Variants in DNAJC2 observed in about 807,000 individuals in gnomAD.
DNAJC2 encodes the protein DnaJ heat shock protein family (Hsp40) member C2.
A neutral mutation model predicts 94.0 loss-of-function variants in DNAJC2; 32 were observed. The observed-to-expected ratio is 0.34, with a 90% CI of 0.26 to 0.46. The LOEUF (loss-of-function observed/expected upper bound fraction) is 0.46. DNAJC2 is among the 20% of genes least tolerant of loss of function. The pLI is 1.00. For missense variants in DNAJC2, 550 were observed against 719.5 expected (o/e 0.76, Z 2.69); for synonymous variants, 210 against 229.7 (o/e 0.91, Z 0.77).
At position 103,344,732 on chromosome 7, in the gene DNAJC2, A is replaced by G; in HGVS notation, c.-110T>C. The G allele has an allele frequency of 8.6e-7, 1 of 1,166,086 alleles. No individual in the cohort carries two copies. The highest frequency in any genetic ancestry group is 1.3e-5 in the South Asian group (1 of 78,266). 72.2% of individuals were successfully genotyped at this position (1,166,086 alleles called of 1,614,324 possible). ...ACTCCGAGCCTCGCGCCTTGGCTCTAAGACGCCCAGGAACCGGCGCATGGA... is the reference window on the plus strand; with the variant it reads ...ACTCCGAGCCTCGCGCCTTGGCTCTGAGACGCCCAGGAACCGGCGCATGGA... On this transcript the variant is annotated 5_prime_UTR_variant, in exon 1 of 17. Transcript: ENST00000379263.
chr7:103,318,527 T>G (rs1043062531), intron 12 of DNAJC2, among the ~76,000 whole-genome samples: 1 of 152,190 alleles, frequency 6.6e-6, no homozygotes, highest in African/African-American at 2.4e-5. Context: ...TACACCTCAT[T>G]TACTATGGGC....
intron 3 of DNAJC2, chr7:103,328,873 C>A: frequency 2.0e-6 from 1 of 492,040 alleles, no homozygotes; most frequent in South Asian, 2.2e-5. Context: ...TAAATAATGC[C>A]AATTTGAATA....
intron 10 of DNAJC2, chr7:103,320,830 CTTTTT>C (rs745754898): frequency 7.5e-4 from 85 of 113,700 alleles, no homozygotes; most frequent in East Asian, 1.1e-3. Context: ...CTCAGCATGT[CTTTTT>C]TTTTTTTTTT....
At chr7:103,316,630 ATATGT>A in intron 13 of DNAJC2, 195 bp downstream of exon 13, 1 of 554,620 alleles carries the variant, frequency 1.8e-6, no homozygotes. Context: ...GTATTCTGTC[ATATGT>A]ATATGTGCAT....
In DNAJC2 at chr7:103,319,827, A is replaced by G; in HGVS notation, c.1101T>C (p.Ser367=). ...RNSCKTWNHF[S]DNEAERVKMM... ...TTTTAACCCGCTCTGCCTCATTATC[A>G]GAAAAATGATTCCAGGTCTAAAAGC... The change falls in exon 11 of 17, where the codon TCT becomes TCC. Residue 367 remains serine, a synonymous_variant. Transcript: ENST00000379263. 1 of 1,614,216 alleles carries G rather than the reference A, an allele frequency of 6.2e-7. No individual in the cohort carries two copies. Among genetic ancestry groups the G allele is most frequent in the Non-Finnish European group, 8.5e-7 (1 of 1,180,042 alleles).
intron 4 of DNAJC2, 38 bp downstream of exon 4, chr7:103,327,612 AACAATT>A (rs761924738): frequency 7.9e-7 from 1 of 1,267,794 alleles, no homozygotes; most frequent in South Asian, 1.3e-5. Flanking sequence ...ATTAATAAAT[AACAATT>A]ACTATTAGAA....
rs1389145502 is a variant in DNAJC2 at position 103,341,786 on chromosome 7, G to A, written c.233C>T (p.Thr78Ile). 1 of 1,589,172 alleles carries A rather than the reference G, an allele frequency of 6.3e-7. No individual in the cohort carries two copies. The highest frequency in any genetic ancestry group is 2.3e-5 in the East Asian group (1 of 44,116). The part of the protein sequence containing the change: ...LQLEEFPMLK[T>I]LDPKDWKNQD... ...TACCTTCCAGTCTTTGGGATCAAGT[G>A]TTTTCAGCATGGGAAACTCTTCCAA... Residue 78 changes from threonine to isoleucine, a missense_variant, in exon 2 of 17, where the codon ACA (threonine) becomes ATA (isoleucine). Physicochemically the swap from Thr to Ile is moderately conservative, Grantham distance 89. This residue lies in a region of DNAJC2 where 279 missense variants were observed against 416.9 expected (regional missense o/e 0.67). Coordinates refer to ENST00000379263, the MANE Select transcript of DNAJC2 (RefSeq NM_014377.3).
chr7:103,337,916 C>A, intron 2 of DNAJC2, 105 bp from the exon 3 acceptor site: 1 of 780,218 alleles, frequency 1.3e-6, no homozygotes, highest in Non-Finnish European at 2.1e-6. Context: ...GACATTTCAT[C>A]AGGAGTCCAG....
Position 103,326,693 on chromosome 7 carries a change from A to C in DNAJC2, c.431-9T>G. 1 of 1,598,040 alleles carries C rather than the reference A, an allele frequency of 6.3e-7. No individual in the cohort carries two copies. Among genetic ancestry groups the C allele is most frequent in the East Asian group, 2.3e-5 (1 of 44,394 alleles). On this transcript the variant is annotated splice_polypyrimidine_tract_variant and intron_variant, in intron 4 of 16. Transcript: ENST00000379263. ...AGATAACATTTCATAAGCTGAGAAA[A>C]AAATTGTTAAGATCACATCACCATA...
chr7:103,320,764 T>TATATATATATATATACAC (rs1818351694), intron 10 of DNAJC2: 1 of 25,478 alleles, frequency 3.9e-5, no homozygotes, highest in East Asian at 1.3e-3. Flanking sequence ...TATATACACA[T>TATATATATATATATACAC]ATATATATAT....
chr7:103,319,945 G>T, intron 10 of DNAJC2, 101 bp from the exon 11 acceptor site: 1 of 1,272,228 alleles, frequency 7.9e-7, no homozygotes, highest in Non-Finnish European at 1.1e-6. Context: ...TGAGGCAGGA[G>T]AATCGCTTGA....
chr7:103,319,875 C>T (rs373699568), intron 10 of DNAJC2, 31 bp from the exon 11 acceptor site: 328 of 1,606,680 alleles, frequency 2.0e-4, no homozygotes, highest in Non-Finnish European at 2.7e-4. Flanking sequence ...ATAGTATCTA[C>T]ACTCAAAAAT....
chr7:103,316,764 G>T, intron 13 of DNAJC2, 66 bp downstream of exon 13: 1 of 1,295,924 alleles, frequency 7.7e-7, no homozygotes. Flanking sequence ...GCTGCTATTT[G>T]GAGTCTGTCT....
chr7:103,332,289 GCCACTGCAC>G (rs1819009754), intron 3 of DNAJC2, among the ~76,000 whole-genome samples: 1 of 152,238 alleles, frequency 6.6e-6, no homozygotes, highest in East Asian at 1.9e-4. Flanking sequence ...ATAGGCGTGA[GCCACTGCAC>G]CCAGCGAATT....
intron 15 of DNAJC2, chr7:103,313,803 A>T: frequency 1.0e-6 from 1 of 985,376 alleles, no homozygotes; most frequent in Non-Finnish European, 1.2e-6. Flanking sequence ...AAGGATGTTA[A>T]GTATTACACA....
chr7:103,342,395 T>A (rs931884820), intron 1 of DNAJC2, among the ~76,000 whole-genome samples: 24 of 151,616 alleles, frequency 1.6e-4, no homozygotes, highest in African/African-American at 5.8e-4. Flanking sequence ...CGTCTCCACC[T>A]CCCGGGTTCA....
chr7:103,329,611 G>C (rs1192671190), intron 3 of DNAJC2: 2 of 152,064 alleles, frequency 1.3e-5, no homozygotes, highest in African/African-American at 4.8e-5. Flanking sequence ...AGTCAAGAAA[G>C]TATCTAAACT....
intron 2 of DNAJC2, among the ~76,000 whole-genome samples, chr7:103,338,631 G>A (rs933429560): frequency 6.6e-6 from 1 of 152,170 alleles, no homozygotes; most frequent in East Asian, 2.0e-4. Context: ...GAAGAGACAG[G>A]CTGGGCATGC....
rs1302991023 is a variant in DNAJC2, at chr7:103,344,700, A to C, written c.-78T>G. The stretch of plus-strand genomic sequence containing the variant: ...GGCGCTTAGGGTCCCCTCCAGCTCT[A>C]CCTCTCACTCCGAGCCTCGCGCCTT... On this transcript the variant is annotated 5_prime_UTR_variant, in exon 1 of 17. It removes the in-frame stop codon of an upstream open reading frame in the 5' UTR. Transcript: ENST00000379263. 1.4e-5 allele frequency: 20 copies of C among 1,471,514 alleles called. No individual in the cohort carries two copies. The highest frequency in any genetic ancestry group is 1.8e-5 in the Non-Finnish European group (19 of 1,067,204). The allele number at this position is 1,471,514 out of a possible 1,614,324, so 91.2% of individuals were successfully genotyped here.
Sources: gnomAD v4.1 joint callset for allele counts (sites outside exome capture counted in the v4.1 genomes callset) on GRCh38, gnomAD v4.1.1 for gene constraint, gnomAD v4.1.1 regional missense constraint, MANE v1.5 for transcripts, NCBI Gene and HGNC (gene_info 2026-07-23, HGNC 2026-07-21) for gene names.